Variants in PCDH15 observed in about 807,000 individuals in gnomAD.
PCDH15 encodes the protein protocadherin related 15.
PCDH15 carries 129 observed loss-of-function variants against 178.5 expected under a neutral mutation model. The observed-to-expected ratio is 0.72, with a 90% CI of 0.63 to 0.84. The LOEUF (loss-of-function observed/expected upper bound fraction) is 0.84, where lower values mean the gene tolerates loss of function less well. PCDH15 is among the 40% of genes least tolerant of loss of function. The pLI, the probability that PCDH15 is intolerant of heterozygous loss-of-function variation, is 0.00. For synonymous variants in PCDH15, 800 were observed against 732.0 expected (o/e 1.09, Z -1.50); for missense variants, 2,230 against 2,099.9 (o/e 1.06, Z -1.21).
chr10:54,904,826 A>G (rs1954692734), intron 2 of PCDH15, among the ~76,000 whole-genome samples: 1 of 151,500 alleles, frequency 6.6e-6, no homozygotes, highest in Non-Finnish European at 1.5e-5. Flanking sequence ...ACCACAGCTC[A>G]CTCTCAGAAG....
chr10:54,736,849 A>C (rs1944192871), intron 1 of PCDH15, among the ~76,000 whole-genome samples: 1 of 152,118 alleles, frequency 6.6e-6, no homozygotes, highest in Admixed American at 6.6e-5. Context: ...AAGCAGGGTC[A>C]ATATGACAAT....
intron 3 of PCDH15, among the ~76,000 whole-genome samples, chr10:54,846,881 C>T (rs1021556458): frequency 1.3e-5 from 2 of 152,052 alleles, no homozygotes; most frequent in African/African-American, 2.4e-5. Context: ...AGAATAGATG[C>T]GGATGTTACA....
In PCDH15 at chr10:55,620,728, G is replaced by A. The variant is rs1166948988; in HGVS notation, c.-156+6897C>T. Among the ~76,000 whole-genome samples, 10 of 151,488 alleles carry A rather than the reference G, an allele frequency of 6.6e-5. No homozygotes were observed. In the East Asian group the frequency reaches 1.9e-3, roughly 29 times the overall value. ...ACTAGGTTTTCAAGTATATTGCAAA[G>A]CCATAAATAATATATAATCTAGCAG... On this transcript the variant is annotated intron_variant, in intron 2 of 5. Transcript: ENST00000613346.
At chr10:54,628,346 T>C (rs1773681351) in intron 2 of PCDH15, among the ~76,000 whole-genome samples, 1 of 152,218 alleles carries the variant, frequency 6.6e-6, no homozygotes, top group South Asian at 2.1e-4. Context: ...TCCAGAGATT[T>C]ACCAACTTGA....
chr10:53,924,462 C>A (rs1035945409), intron 25 of PCDH15, among the ~76,000 whole-genome samples: 2 of 152,154 alleles, frequency 1.3e-5, no homozygotes, highest in African/African-American at 2.4e-5. Flanking sequence ...TGGAGTGTCC[C>A]CCCGCCGTGG....
intron 2 of PCDH15, among the ~76,000 whole-genome samples, chr10:55,125,538 G>T (rs2132071025): frequency 6.6e-6 from 1 of 152,120 alleles, no homozygotes; most frequent in Middle Eastern, 3.4e-3. Context: ...GGGAGGTGAA[G>T]AAGATTACAG....
chr10:54,658,548 A>G (rs985682933), intron 2 of PCDH15, among the ~76,000 whole-genome samples: 1 of 152,212 alleles, frequency 6.6e-6, no homozygotes, highest in African/African-American at 2.4e-5. Flanking sequence ...ACTTAATTTC[A>G]TAAACAAAGT....
intron 9 of PCDH15, among the ~76,000 whole-genome samples, chr10:54,219,274 CA>C (rs995053736): frequency 0.058 from 2,635 of 45,192 alleles, 29 homozygotes; most frequent in East Asian, 0.12. Context: ...GACTTTGTCT[CA>C]AAAAAAAAAA....
chr10:54,556,513 T>G (rs909978807), intron 2 of PCDH15, among the ~76,000 whole-genome samples: 1 of 152,086 alleles, frequency 6.6e-6, no homozygotes, highest in Non-Finnish European at 1.5e-5. Context: ...TAGAATTTTG[T>G]AAGAAGAAAA....
At chr10:54,045,844 A>T (rs2093644083) in intron 18 of PCDH15, among the ~76,000 whole-genome samples, 1 of 152,130 alleles carries the variant, frequency 6.6e-6, no homozygotes. Flanking sequence ...AAATTTGATA[A>T]TCTTAAAATT....
intron 2 of PCDH15, among the ~76,000 whole-genome samples, chr10:54,966,652 T>C (rs562928966): frequency 6.6e-6 from 1 of 152,208 alleles, no homozygotes; most frequent in East Asian, 1.9e-4. Flanking sequence ...CATTGAATCA[T>C]GGGGGCAGTT....
intron 11 of PCDH15, among the ~76,000 whole-genome samples, chr10:54,190,634 G>A (rs2133868277): frequency 6.6e-6 from 1 of 152,248 alleles, no homozygotes; most frequent in Middle Eastern, 3.4e-3. Context: ...TGGAACTCCT[G>A]GCCTCAAGCC....
chr10:55,600,107 G>T, intron 2 of PCDH15: 1 of 422,870 alleles, frequency 2.4e-6, no homozygotes. Context: ...GCTCACGCCT[G>T]TAATCCCAGC....
chr10:54,512,064 T>C (rs1780329204), intron 3 of PCDH15, among the ~76,000 whole-genome samples: 1 of 152,164 alleles, frequency 6.6e-6, no homozygotes, highest in Admixed American at 6.6e-5. Flanking sequence ...TTGTTATTTA[T>C]AATGTCAAAA....
intron 1 of PCDH15, among the ~76,000 whole-genome samples, chr10:54,689,819 C>T (rs978449208): frequency 6.6e-6 from 1 of 152,058 alleles, no homozygotes; most frequent in African/African-American, 2.4e-5. Flanking sequence ...CAAGTAGATG[C>T]CAACTCCTAC....
intron 3 of PCDH15, among the ~76,000 whole-genome samples, chr10:54,509,346 C>T (rs1308341629): frequency 6.6e-6 from 1 of 152,026 alleles, no homozygotes; most frequent in Non-Finnish European, 1.5e-5. Context: ...AGGGTTTCCC[C>T]TTTCACTTGG....
intron 1 of PCDH15, among the ~76,000 whole-genome samples, chr10:55,232,833 G>A (rs1841264352): frequency 6.6e-6 from 1 of 152,058 alleles, no homozygotes; most frequent in African/African-American, 2.4e-5. Context: ...AGTTACATAA[G>A]CTCCAAAGCC....
Position 53,903,369 on chromosome 10 carries a change from G to A in PCDH15, c.3375C>T (p.Ser1125=), listed in dbSNP as rs2082455264. The A allele has an allele frequency of 1.9e-6, 3 of 1,612,218 alleles. No homozygotes were observed. Among genetic ancestry groups the A allele is most frequent in the African/African-American group, 2.7e-5 (2 of 74,846 alleles). Residue 1125 remains serine, a splice_region_variant and synonymous_variant, in exon 26 of 38, where the codon AGC becomes AGT. Transcript: ENST00000644397. The part of the protein sequence containing the change: ...VLANLRVPSK[S]NTAKVYIEIQ... Reference sequence around the variant, plus strand: ...TCTCAATGTATACTTTAGCTGTATTGCCTGGAGGACAAGAAACGATGCATT... The same window carrying A: ...TCTCAATGTATACTTTAGCTGTATTACCTGGAGGACAAGAAACGATGCATT...
chr10:54,294,656 C>A (rs565423266), intron 8 of PCDH15, among the ~76,000 whole-genome samples: 1 of 151,498 alleles, frequency 6.6e-6, no homozygotes, highest in East Asian at 1.9e-4. Context: ...AAGGTGTCCA[C>A]CTGAAAGCAA....
Sources: allele counts gnomAD v4.1 joint callset (sites outside exome capture counted in the v4.1 genomes callset), GRCh38; gene constraint gnomAD v4.1.1; transcripts MANE v1.5; gene names NCBI Gene and HGNC (gene_info 2026-07-23, HGNC 2026-07-21).